The following DLG2 variants were observed in gnomAD, a reference collection of about 807,000 sequenced individuals.
DLG2 encodes discs large MAGUK scaffold protein 2.
In DLG2, 45 loss-of-function variants were observed where a neutral mutation model predicts 132.5. That is an observed-to-expected ratio of 0.34 (90% CI 0.27 to 0.44). DLG2 has a LOEUF of 0.44. Ranked by LOEUF, DLG2 falls within the 20% of genes least tolerant of loss-of-function variation. The pLI, the probability that DLG2 is intolerant of heterozygous loss-of-function variation, is 1.00. For synonymous variants in DLG2, 424 were observed against 419.6 expected (o/e 1.01, Z -0.13); for missense variants, 1,045 against 1,196.9 (o/e 0.87, Z 1.87).
At chr11:84,815,492 T>A (rs764188581) in intron 6 of DLG2, among the ~76,000 whole-genome samples, 3 of 152,056 alleles carry the variant, frequency 2.0e-5, no homozygotes, top group Non-Finnish European at 4.4e-5. Flanking sequence ...TAGCACCTGG[T>A]ATATTGTAGA....
At chr11:84,752,915 T>C (rs1306922754) in intron 6 of DLG2, among the ~76,000 whole-genome samples, 1 of 151,848 alleles carries the variant, frequency 6.6e-6, no homozygotes, top group African/African-American at 2.4e-5. Flanking sequence ...TTTTTATGGC[T>C]GCATAGTATT....
intron 6 of DLG2, among the ~76,000 whole-genome samples, chr11:84,661,641 A>T (rs980160552): frequency 2.6e-5 from 4 of 152,138 alleles, no homozygotes; most frequent in Non-Finnish European, 5.9e-5. Context: ...AGCAACTAAG[A>T]CATGATCTGT....
intron 7 of DLG2, among the ~76,000 whole-genome samples, chr11:84,273,873 G>A (rs1343717012): frequency 1.3e-5 from 2 of 152,140 alleles, no homozygotes; most frequent in East Asian, 3.8e-4. Flanking sequence ...ATGGCACTAT[G>A]AGTTGTTTAT....
chr11:84,884,753 A>C lies in DLG2; in HGVS notation c.357+226908T>G, dbSNP rs941802478. 3.3e-5 allele frequency among the ~76,000 whole-genome samples: 5 copies of C among 152,136 alleles called. No individual in the cohort carries two copies. In the East Asian group the frequency reaches 9.7e-4, roughly 29 times the overall value. On this transcript the variant is annotated intron_variant, in intron 6 of 27. Transcript: ENST00000376104. ...GATACAGTATTGCCTTCTTATCTGCAGATTCTCTTTCCACAATTTCAGTTA... is the reference window on the plus strand; with the variant it reads ...GATACAGTATTGCCTTCTTATCTGCCGATTCTCTTTCCACAATTTCAGTTA...
At chr11:85,217,121 T>A (rs1319227555) in intron 4 of DLG2, among the ~76,000 whole-genome samples, 1 of 152,154 alleles carries the variant, frequency 6.6e-6, no homozygotes, top group Non-Finnish European at 1.5e-5. Context: ...AAACAAATAT[T>A]AACTCACAAA....
intron 6 of DLG2, among the ~76,000 whole-genome samples, chr11:84,669,538 T>C (rs192266026): frequency 8.0e-4 from 122 of 152,210 alleles, no homozygotes; most frequent in Middle Eastern, 3.4e-3. Context: ...TTCACTTCTT[T>C]TGACAAAGTG....
At chr11:85,006,942 A>G (rs11828540) in intron 6 of DLG2, among the ~76,000 whole-genome samples, 2,221 of 152,240 alleles carry the variant, frequency 0.015, 54 homozygotes, top group African/African-American at 0.05. Context: ...TAATCTTTAA[A>G]CCCTAGAATT....
intron 6 of DLG2, among the ~76,000 whole-genome samples, chr11:84,978,523 C>A (rs2055246360): frequency 6.6e-6 from 1 of 152,106 alleles, no homozygotes; most frequent in African/African-American, 2.4e-5. Flanking sequence ...CCTCTACAAC[C>A]ATCTGATCTT....
At chr11:84,781,457 T>C (rs1254731890) in intron 6 of DLG2, among the ~76,000 whole-genome samples, 1 of 151,980 alleles carries the variant, frequency 6.6e-6, no homozygotes, top group Non-Finnish European at 1.5e-5. Flanking sequence ...TAAGTTTCTA[T>C]TCTGTTTCAA....
At position 85,106,164 on chromosome 11, in the gene DLG2, T is replaced by C. The variant is rs527515801; in HGVS notation, c.357+5497A>G. Among the ~76,000 whole-genome samples, 371 of 109,136 alleles carry C rather than the reference T, an allele frequency of 3.4e-3. 3 individuals carry two copies. The highest frequency in any genetic ancestry group is 0.02 in the South Asian group (66 of 3,260). The allele number at this position is 109,136 out of a possible 152,430, so 71.6% of individuals were successfully genotyped here. ...CATCTCCTCTGGTTTCTGTGAGAAGTGTCTGTTTTTACTGATTCCCATAAA... is the reference window on the plus strand; with the variant it reads ...CATCTCCTCTGGTTTCTGTGAGAAGCGTCTGTTTTTACTGATTCCCATAAA... On this transcript the variant is annotated intron_variant, in intron 6 of 27. Transcript: ENST00000376104.
intron 14 of DLG2, among the ~76,000 whole-genome samples, chr11:83,933,035 G>T (rs1210507449): frequency 6.6e-6 from 1 of 152,160 alleles, no homozygotes; most frequent in Non-Finnish European, 1.5e-5. Context: ...GTTCCAGAAG[G>T]CCTAATACTG....
At chr11:84,849,772 G>A (rs1189011860) in intron 6 of DLG2, among the ~76,000 whole-genome samples, 4 of 151,986 alleles carry the variant, frequency 2.6e-5, no homozygotes, top group Non-Finnish European at 4.4e-5. Context: ...GTGTACTTTG[G>A]TGCTGTTTCC....
At chr11:85,249,822 TTTGC>T in intron 4 of DLG2, among the ~76,000 whole-genome samples, 1 of 152,144 alleles carries the variant, frequency 6.6e-6, no homozygotes, top group South Asian at 2.1e-4. Flanking sequence ...TCCAGATGAA[TTTGC>T]ATATTTCCTT....
intron 5 of DLG2, among the ~76,000 whole-genome samples, chr11:85,118,445 T>C (rs887350148): frequency 1.3e-5 from 2 of 152,062 alleles, no homozygotes; most frequent in African/African-American, 4.8e-5. Flanking sequence ...CATTAAAATA[T>C]TCTAAGCACC....
intron 19 of DLG2, among the ~76,000 whole-genome samples, chr11:83,604,115 TTAAACTAAAC>T (rs566694998): frequency 2.0e-5 from 3 of 152,188 alleles, no homozygotes; most frequent in Non-Finnish European, 4.4e-5. Flanking sequence ...GAAAAGCTAA[TTAAACTAAAC>T]TAAACTAAAC....
intron 6 of DLG2, among the ~76,000 whole-genome samples, chr11:84,898,942 C>G (rs989701600): frequency 6.6e-6 from 1 of 152,020 alleles, no homozygotes; most frequent in African/African-American, 2.4e-5. Context: ...CCTCTATGTA[C>G]TAAACTGTAA....
intron 7 of DLG2, among the ~76,000 whole-genome samples, chr11:84,340,972 A>G (rs897157275): frequency 6.6e-6 from 1 of 152,164 alleles, no homozygotes; most frequent in Non-Finnish European, 1.5e-5. Context: ...ATCCAGATGA[A>G]TAAAAAATTG....
At chr11:85,277,386 A>G (rs1210363312) in intron 4 of DLG2, among the ~76,000 whole-genome samples, 1 of 152,198 alleles carries the variant, frequency 6.6e-6, no homozygotes, top group Admixed American at 6.5e-5. Flanking sequence ...TTACAGTTAA[A>G]TATCTTTGCA....
At chr11:84,026,302 G>T (rs906393764) in intron 11 of DLG2, among the ~76,000 whole-genome samples, 1 of 152,036 alleles carries the variant, frequency 6.6e-6, no homozygotes, top group Non-Finnish European at 1.5e-5. Context: ...GTTTGGAAAA[G>T]ACCTGTGTGT....
Sources: gnomAD v4.1 joint callset for allele counts (sites outside exome capture counted in the v4.1 genomes callset) on GRCh38, gnomAD v4.1.1 for gene constraint, MANE v1.5 for transcripts, NCBI Gene and HGNC (gene_info 2026-07-23, HGNC 2026-07-21) for gene names.